CPEB1: variants seen among roughly 807,000 people sequenced by gnomAD.
CPEB1 encodes the protein cytoplasmic polyadenylation element-binding protein 1.
CPEB1 carries 7 observed loss-of-function variants against 65.8 expected under a neutral mutation model. The observed-to-expected ratio is 0.11, with a 90% confidence interval of 0.06 to 0.20. The LOEUF (loss-of-function observed/expected upper bound fraction) is 0.20. Ranked by LOEUF, CPEB1 falls within the 10% of genes least tolerant of loss-of-function variation. CPEB1 has a pLI of 1.00. For missense variants in CPEB1, 551 were observed against 712.2 expected, an observed-to-expected ratio of 0.77 and a Z score of 2.58; for synonymous variants, 262 against 260.0, an observed-to-expected ratio of 1.01 and a Z score of -0.08.
intron 1 of CPEB1, among the ~76,000 whole-genome samples, chr15:82,642,363 T>C (rs185297253): frequency 9.9e-5 from 15 of 152,276 alleles, no homozygotes; most frequent in Non-Finnish European, 1.5e-4. Flanking sequence ...CTGGCCAACA[T>C]AGTGAAACCC....
chr15:82,617,633 A>G (rs1207162609), intron 3 of CPEB1, among the ~76,000 whole-genome samples: 6 of 152,036 alleles, frequency 3.9e-5, no homozygotes, highest in Non-Finnish European at 8.8e-5. Flanking sequence ...GTAAGTTGTT[A>G]GCAAAATAGG....
At chr15:82,595,609 T>G (rs1044630440) in intron 3 of CPEB1, among the ~76,000 whole-genome samples, 1 of 152,206 alleles carries the variant, frequency 6.6e-6, no homozygotes, top group African/African-American at 2.4e-5. Context: ...AAAAACAACT[T>G]ACTGGTCAAC....
At chr15:82,554,109 C>T in intron 6 of CPEB1, 118 bp from the exon 7 acceptor site, 1 of 588,626 alleles carries the variant, frequency 1.7e-6, no homozygotes, top group Non-Finnish European at 3.0e-6. Context: ...TGCCCAGATG[C>T]CTGAGAGAAT....
intron 4 of CPEB1, among the ~76,000 whole-genome samples, chr15:82,559,305 TAGG>T (rs1411246454): frequency 1.3e-5 from 2 of 152,236 alleles, no homozygotes; most frequent in Non-Finnish European, 2.9e-5. Context: ...CACGCTCCTT[TAGG>T]TATATGACCT....
chr15:82,571,521 A>G lies in CPEB1; in HGVS notation c.283T>C (p.Ser95Pro). ...ATCCTGCTTGTAACTGTTTCTTCAG[A>G]GTCCTGGAAGTCTGTTTTGGAAAGG... ...IHDHLPDFQD[S>P]EETVTSRMLF... Residue 95 changes from serine to proline, a missense_variant, in exon 4 of 13, where the codon TCT becomes CCT. Ser to Pro is a moderately conservative substitution (Grantham distance 74, BLOSUM62 -1). Coordinates refer to ENST00000684509, the MANE Select transcript of CPEB1 (RefSeq NM_001365242.1). The G allele has an allele frequency of 6.2e-7, 1 of 1,613,650 alleles. No homozygotes were observed. Among genetic ancestry groups the G allele is most frequent in the South Asian group, 1.1e-5 (1 of 91,010 alleles).
At chr15:82,641,284 A>G (rs1239806963) in intron 1 of CPEB1, among the ~76,000 whole-genome samples, 6 of 152,230 alleles carry the variant, frequency 3.9e-5, no homozygotes, top group Non-Finnish European at 8.8e-5. Flanking sequence ...GGGCAGACAC[A>G]TGGGAGACAG....
intron 4 of CPEB1, among the ~76,000 whole-genome samples, chr15:82,560,610 C>T (rs1237729708): frequency 6.6e-6 from 1 of 152,080 alleles, no homozygotes; most frequent in Non-Finnish European, 1.5e-5. Context: ...CCAGGCTGGT[C>T]TCGAACTCCT....
At position 82,555,889 on chromosome 15, in the gene CPEB1, C is replaced by T. The variant is rs371097233; in HGVS notation, c.921G>A (p.Arg307=). ...ACTCACCTGCAGCTTGTCGGTGCAG[C>T]CTGGCCTCTCTCTCTATGCTGAAGG... is the stretch of plus-strand genomic sequence containing the variant. ...KDPFSIEREA[R]LHRQAAAVNE... is the part of the protein sequence containing the mutation. The change falls in exon 6 of 13, where the codon AGG becomes AGA. Residue 307 remains arginine (R), a synonymous_variant. Coordinates refer to ENST00000684509, the MANE Select transcript of CPEB1 (RefSeq NM_001365242.1). 1.1e-5 allele frequency: 17 copies of T among 1,612,918 alleles called. No individual in the cohort carries two copies. Among genetic ancestry groups the T allele is most frequent in the Non-Finnish European group, 1.4e-5 (16 of 1,179,574 alleles).
intron 3 of CPEB1, among the ~76,000 whole-genome samples, chr15:82,613,758 C>T (rs557515774): frequency 5.3e-4 from 81 of 152,240 alleles, no homozygotes; most frequent in African/African-American, 1.4e-3. Context: ...AGGAGAAATG[C>T]TAAGAAGTTC....
At chr15:82,633,561 C>A (rs935742224) in intron 1 of CPEB1, among the ~76,000 whole-genome samples, 2 of 152,042 alleles carry the variant, frequency 1.3e-5, no homozygotes, top group African/African-American at 4.8e-5. Flanking sequence ...TTGGTAGAGA[C>A]AGGGTTTCAC....
chr15:82,563,829 T>C (rs1445710140), intron 4 of CPEB1, among the ~76,000 whole-genome samples: 1 of 149,756 alleles, frequency 6.7e-6, no homozygotes, highest in East Asian at 1.9e-4. Flanking sequence ...ATTATTTCCA[T>C]TTTTTTTTAA....
chr15:82,605,395 C>T (rs923741119), intron 3 of CPEB1, among the ~76,000 whole-genome samples: 10 of 151,198 alleles, frequency 6.6e-5, no homozygotes, highest in African/African-American at 1.9e-4. Flanking sequence ...CAAATGGGGG[C>T]GGGATAAGAA....
chr15:82,571,212 A>C, intron 4 of CPEB1, 132 bp downstream of exon 4: 2 of 1,213,050 alleles, frequency 1.6e-6, no homozygotes, highest in Non-Finnish European at 2.2e-6. Context: ...CTCTTGCAAA[A>C]CAGCTCCATG....
intron 3 of CPEB1, among the ~76,000 whole-genome samples, chr15:82,606,260 G>C (rs112657459): frequency 0.01 from 1,529 of 151,748 alleles, 12 homozygotes; most frequent in Non-Finnish European, 0.017. Context: ...TTGAGTTCAG[G>C]GGTTTGAGAC....
chr15:82,574,014 C>T (rs552043759), intron 3 of CPEB1, among the ~76,000 whole-genome samples: 1 of 152,226 alleles, frequency 6.6e-6, no homozygotes, highest in African/African-American at 2.4e-5. Context: ...AATCTTCCCA[C>T]CCCAAGCTGA....
At chr15:82,639,245 A>G (rs1272785694) in intron 1 of CPEB1, among the ~76,000 whole-genome samples, 1 of 152,180 alleles carries the variant, frequency 6.6e-6, no homozygotes, top group Non-Finnish European at 1.5e-5. Context: ...TTCCCTCTCA[A>G]TAAAAGGACA....
chr15:82,553,546 A>C lies in CPEB1; in HGVS notation c.1065T>G (p.Val355=), dbSNP rs997649416. 1 of 1,611,688 alleles carries C rather than the reference A, an allele frequency of 6.2e-7. No individual in the cohort carries two copies. Among genetic ancestry groups the C allele is most frequent in the African/African-American group, 1.3e-5 (1 of 74,878 alleles). ...AAGAGCCAAAAACACGGAAGGTGTT[A>C]ACTAATCCAGCTGCAAAGAGACAGA... ...VPWDITEAGL[V]NTFRVFGSLS... is the part of the protein sequence containing the mutation. The change falls in exon 8 of 13, where the codon GTT becomes GTG. Residue 355 remains valine (V), a synonymous_variant. Coordinates refer to ENST00000684509, the MANE Select transcript of CPEB1 (RefSeq NM_001365242.1).
At chr15:82,552,069 G>A (rs1434107960) in intron 9 of CPEB1, among the ~76,000 whole-genome samples, 1 of 152,214 alleles carries the variant, frequency 6.6e-6, no homozygotes, top group East Asian at 1.9e-4. Context: ...AGACTGGGAG[G>A]TCACAAGGCA....
At chr15:82,648,123 C>T (rs1226268345), upstream of CPEB1, 3 of 359,506 alleles carry the variant, frequency 8.3e-6, no homozygotes, top group Non-Finnish European at 1.5e-5. Flanking sequence ...CCGAGGAGGG[C>T]TCCGCCGCCC....
Sources: gnomAD v4.1 joint callset for allele counts (sites outside exome capture counted in the v4.1 genomes callset) on GRCh38, gnomAD v4.1.1 for gene constraint, MANE v1.5 for transcripts, NCBI Gene and HGNC (gene_info 2026-07-23, HGNC 2026-07-21) for gene names.